The following UBA2 variants were observed in gnomAD, a reference collection of about 807,000 sequenced individuals.
The protein encoded by UBA2 is SUMO-activating enzyme subunit 2.
In UBA2, 11 loss-of-function variants were observed where a neutral mutation model predicts 77.2. The ratio of observed to expected loss-of-function variants is 0.14; its 90% CI spans 0.09 to 0.24. UBA2 has a LOEUF of 0.24. Ranked by LOEUF, UBA2 falls within the 10% of genes least tolerant of loss-of-function variation. UBA2 has a pLI of 1.00. For missense variants in UBA2, 487 were observed against 781.7 expected (o/e 0.62, Z 4.50); for synonymous variants, 278 against 276.7 (o/e 1.00, Z -0.05).
At position 34,431,935 on chromosome 19, in the gene UBA2, T is replaced by C. The variant is rs751039177; in HGVS notation, c.293+4T>C. 5 of 1,595,112 alleles carry C rather than the reference T, an allele frequency of 3.1e-6. No homozygotes were observed. The highest frequency in any genetic ancestry group is 4.3e-6 in the Non-Finnish European group (5 of 1,174,618). On this transcript the variant is annotated splice_donor_region_variant and intron_variant, in intron 3 of 16. Coordinates refer to ENST00000246548, the MANE Select transcript of UBA2 (RefSeq NM_005499.3). ...CCTACCATGACAGCATCATGAAGTA[T>C]GCTATAGTGATTACATTGCAAAGTT... is the stretch of plus-strand genomic sequence containing the variant.
At position 34,428,567 on chromosome 19, in the gene UBA2, C is replaced by G. The variant is rs1208563854; in HGVS notation, c.135C>G (p.Asp45Glu). The G allele has an allele frequency of 7.7e-7, 1 of 1,305,532 alleles. No individual in the cohort carries two copies. The highest frequency in any genetic ancestry group is 1.5e-5 in the African/African-American group (1 of 66,048). The allele number at this position is 1,305,532 out of a possible 1,614,324, so 80.9% of individuals were successfully genotyped here. Residue 45 changes from aspartate (D) to glutamate (E), a missense_variant, in exon 1 of 17, where the codon GAC becomes GAG. Physicochemically the swap from Asp to Glu is conservative, Grantham distance 45. Around this residue, in one of 9 missense-constraint regions of UBA2, gnomAD observed 6 missense variants for 37.2 expected, o/e 0.16. Transcript: ENST00000246548. ...NLVLTGFSHI[D>E]LIDLDTIDVS... ...TGCTCACCGGTTTCTCCCACATCGA[C>G]CTGGTGAGGGCCGGGCGCGCGCGCG...
At chr19:34,436,704 G>A (rs539056591) in intron 5 of UBA2, among the ~76,000 whole-genome samples, 69 of 144,268 alleles carry the variant, frequency 4.8e-4, no homozygotes, top group African/African-American at 1.6e-3. Flanking sequence ...TTGAAGAGTC[G>A]TTTTCCATGT....
rs1205045527 is a variant in UBA2 at position 34,434,954 on chromosome 19, A to C, written c.445A>C (p.Thr149Pro). The C allele has an allele frequency of 6.2e-7, 1 of 1,603,330 alleles. No homozygotes were observed. Among genetic ancestry groups the C allele is most frequent in the Non-Finnish European group, 8.5e-7 (1 of 1,175,392 alleles). The change falls in exon 5 of 17, where the codon ACT becomes CCT. Residue 149 changes from threonine (T) to proline (P), a missense_variant. Physicochemically the swap from Thr to Pro is conservative, Grantham distance 38. Around this residue, in one of 9 missense-constraint regions of UBA2, gnomAD observed 66 missense variants for 112.0 expected, o/e 0.59. Transcript: ENST00000246548. ...AACAGCTGGGTATCTTGGACAAGTAACTACTATCAAAAAGGTAAAGAAAAG... is the reference window on the plus strand; with the variant it reads ...AACAGCTGGGTATCTTGGACAAGTACCTACTATCAAAAAGGTAAAGAAAAG... ...SGTAGYLGQV[T>P]TIKKGVTECY... is the part of the protein sequence containing the mutation.
intron 15 of UBA2, 73 bp downstream of exon 15, chr19:34,464,204 T>C: frequency 9.6e-7 from 1 of 1,044,868 alleles, no homozygotes; most frequent in South Asian, 1.4e-5. Context: ...GAAGGAAAAG[T>C]GTTTTCTTAT....
intron 12 of UBA2, among the ~76,000 whole-genome samples, chr19:34,457,179 A>AAAAATATAT (rs1262007864): frequency 2.1e-4 from 11 of 53,220 alleles, no homozygotes; most frequent in African/African-American, 4.7e-4. Flanking sequence ...AAAAAAAAAA[A>AAAAATATAT]ATATATATAT....
chr19:34,461,627 C>T (rs1347523708), intron 14 of UBA2, among the ~76,000 whole-genome samples: 1 of 152,148 alleles, frequency 6.6e-6, no homozygotes, highest in African/African-American at 2.4e-5. Context: ...CCCTTCTGTA[C>T]GGAATACATG....
At chr19:34,465,679 T>C (rs1037331279) in intron 15 of UBA2, among the ~76,000 whole-genome samples, 2 of 151,420 alleles carry the variant, frequency 1.3e-5, no homozygotes, top group Non-Finnish European at 2.9e-5. Flanking sequence ...ATGTGAGTTA[T>C]TAGTAAGTAG....
intron 6 of UBA2, among the ~76,000 whole-genome samples, chr19:34,443,234 G>C (rs1487084066): frequency 6.6e-6 from 1 of 152,108 alleles, no homozygotes; most frequent in Non-Finnish European, 1.5e-5. Flanking sequence ...TCTGGTGTTA[G>C]AATGTTATCC....
chr19:34,444,304 C>T lies in UBA2; in HGVS notation c.649+393C>T, dbSNP rs936487146. 4.6e-5 allele frequency among the ~76,000 whole-genome samples: 7 copies of T among 151,994 alleles called. No homozygotes were observed. In the East Asian group the frequency reaches 7.8e-4, roughly 17 times the overall value. ...AACTCTTGACCTGAGGTGATCCACC[C>T]GCCTTGGCCTCCCAAAGTGCTGGGA... is the stretch of plus-strand genomic sequence containing the variant. On this transcript the variant is annotated intron_variant, in intron 7 of 16. Coordinates refer to ENST00000246548, the MANE Select transcript of UBA2 (RefSeq NM_005499.3).
chr19:34,446,757 C>G (rs1160008158), intron 8 of UBA2, among the ~76,000 whole-genome samples: 1 of 152,042 alleles, frequency 6.6e-6, no homozygotes, highest in African/African-American at 2.4e-5. Flanking sequence ...TACAGGTCCG[C>G]CACTATGCCT....
intron 14 of UBA2, among the ~76,000 whole-genome samples, chr19:34,462,577 C>T (rs1430907666): frequency 6.6e-6 from 1 of 151,482 alleles, no homozygotes; most frequent in Non-Finnish European, 1.5e-5. Context: ...TGGGTGTCAA[C>T]GTAGGGAAAG....
At chr19:34,439,903 G>T (rs1459712482) in intron 6 of UBA2, among the ~76,000 whole-genome samples, 1 of 151,986 alleles carries the variant, frequency 6.6e-6, no homozygotes, top group Non-Finnish European at 1.5e-5. Flanking sequence ...TAGAAGAGGA[G>T]TAAGTGAGAA....
chr19:34,452,978 G>T (rs1288363578), intron 10 of UBA2, among the ~76,000 whole-genome samples: 1 of 152,160 alleles, frequency 6.6e-6, no homozygotes, highest in African/African-American at 2.4e-5. Flanking sequence ...TTATGCTAGT[G>T]ATTTGGGAAG....
intron 4 of UBA2, among the ~76,000 whole-genome samples, 168 bp from the exon 5 acceptor site, chr19:34,434,700 A>T (rs1215070012): frequency 1.3e-5 from 2 of 152,204 alleles, no homozygotes; most frequent in African/African-American, 4.8e-5. Flanking sequence ...TTGCTAAGTG[A>T]ATGTCTCTTA....
In UBA2 at chr19:34,470,822, T is replaced by A. The variant is rs2075727870; in HGVS notation, c.*1601T>A. 6.6e-6 allele frequency: 1 copy of A among 152,282 alleles called. No individual in the cohort carries two copies. Among genetic ancestry groups the A allele is most frequent in the South Asian group, 2.1e-4 (1 of 4,832 alleles). The allele number at this position is 152,282 out of a possible 1,614,324, so 9.4% of individuals were successfully genotyped here. A position where few individuals can be genotyped will look rare whatever the true frequency, so the allele number is the denominator to read the frequency against. On this transcript the variant is annotated 3_prime_UTR_variant, in exon 17 of 17. Coordinates refer to ENST00000246548, the MANE Select transcript of UBA2 (RefSeq NM_005499.3). ...CAGGCGTGAGCCACTGCGCCTGGCC[T>A]AATGGCAGTGTTTTTAAAATTTGGA...
intron 4 of UBA2, among the ~76,000 whole-genome samples, 173 bp downstream of exon 4, chr19:34,433,585 T>C (rs1281939894): frequency 6.6e-6 from 1 of 152,178 alleles, no homozygotes; most frequent in African/African-American, 2.4e-5. Flanking sequence ...AAATGACTTA[T>C]TCCAGGCGGG....
At chr19:34,445,481 CCAGGCTGGAGTGCAGTGG>C (rs963893802) in intron 8 of UBA2, among the ~76,000 whole-genome samples, 2 of 150,128 alleles carry the variant, frequency 1.3e-5, no homozygotes, top group Non-Finnish European at 3.0e-5. Context: ...CTCTTGTCGC[CCAGGCTGGAGTGCAGTGG>C]CACGATCTCG....
Position 34,469,876 on chromosome 19 carries a change from A to G in UBA2, c.*655A>G, listed in dbSNP as rs1467173628. ...TATACTTATGGACCAAATAAATGGC[A>G]TCTGCATTCTTGTTACACATGCCTG... On this transcript the variant is annotated 3_prime_UTR_variant, in exon 17 of 17. Transcript: ENST00000246548. The G allele has an allele frequency of 3.3e-5, 5 of 152,634 alleles. No homozygotes were observed. Among genetic ancestry groups the G allele is most frequent in the Admixed American group, 3.3e-4 (5 of 15,264 alleles). 9.5% of individuals were successfully genotyped at this position (152,634 alleles called of 1,614,324 possible). A position where few individuals can be genotyped will look rare whatever the true frequency, so the allele number is the denominator to read the frequency against.
Position 34,460,467 on chromosome 19 carries a change from TAG to T in UBA2, c.1402-1_1402del. On this transcript the variant is annotated splice_acceptor_variant, in intron 13 of 16. Transcript: ENST00000246548. LOFTEE classifies it high-confidence loss of function. ...TTTTGAATCCTTTTTTTTTTTTTTG[TAG>T]ATAGTGAAAGAAAAATTTGCTATGG... 3 of 1,520,522 alleles carry T rather than the reference TAG, an allele frequency of 2.0e-6. No individual in the cohort carries two copies. The highest frequency in any genetic ancestry group is 2.0e-5 in the Admixed American group (1 of 49,294). 94.2% of individuals were successfully genotyped at this position (1,520,522 alleles called of 1,614,324 possible).
Sources: gnomAD v4.1 joint callset for allele counts (sites outside exome capture counted in the v4.1 genomes callset) on GRCh38, gnomAD v4.1.1 for gene constraint, gnomAD v4.1.1 regional missense constraint, MANE v1.5 for transcripts, NCBI Gene and HGNC (gene_info 2026-07-23, HGNC 2026-07-21) for gene names.